Variants in RNLS observed in about 807,000 individuals in gnomAD.
The protein encoded by RNLS is renalase, FAD dependent amine oxidase, also known as renalase.
RNLS carries 39 observed loss-of-function variants against 39.8 expected under a neutral mutation model. The observed-to-expected ratio is 0.98, with a 90% CI of 0.76 to 1.28. The LOEUF (loss-of-function observed/expected upper bound fraction) is 1.28, where lower values mean the gene tolerates loss of function less well. RNLS is among the 50% of genes most tolerant of loss of function. The pLI, the probability that RNLS is intolerant of heterozygous loss-of-function variation, is 0.00. For synonymous variants in RNLS, 147 were observed against 150.7 expected, an observed-to-expected ratio of 0.98 and a Z score of 0.18; for missense variants, 410 against 413.3, an observed-to-expected ratio of 0.99 and a Z score of 0.07.
intron 4 of RNLS, among the ~76,000 whole-genome samples, chr10:88,463,837 G>A (rs149018924): frequency 3.3e-5 from 5 of 152,030 alleles, no homozygotes; most frequent in Non-Finnish European, 7.4e-5. Flanking sequence ...CTCTGTGTGT[G>A]TGTGTGTCTG....
the RNLS span, among the ~76,000 whole-genome samples, chr10:88,210,777 C>T: frequency 3.9e-5 from 6 of 152,174 alleles, no homozygotes; most frequent in East Asian, 3.9e-4. Context: ...CATTGTTCTG[C>T]GTCCTAAATC....
At chr10:88,394,089 C>A (rs532522698) in intron 4 of RNLS, among the ~76,000 whole-genome samples, 10 of 152,238 alleles carry the variant, frequency 6.6e-5, no homozygotes, top group Admixed American at 1.3e-4. Context: ...CATAAAAACC[C>A]TAGAAGAAAA....
chr10:88,485,132 T>C lies in RNLS; in HGVS notation c.526+87771A>G, dbSNP rs12252620. Among the ~76,000 whole-genome samples the C allele has an allele frequency of 6.2e-3, 949 of 151,974 alleles. 9 individuals are homozygous for C. Among genetic ancestry groups the C allele is most frequent in the African/African-American group, 0.02 (849 of 41,520 alleles). ...ATTGAAAAGCTGATTCTAAAACACATAGGGATAGAAAAGAACCTAGAATTG... is the reference window on the plus strand; with the variant it reads ...ATTGAAAAGCTGATTCTAAAACACACAGGGATAGAAAAGAACCTAGAATTG... On this transcript the variant is annotated intron_variant, in intron 4 of 6. Transcript: ENST00000331772.
intron 4 of RNLS, among the ~76,000 whole-genome samples, chr10:88,558,365 T>C (rs1182085373): frequency 3.3e-5 from 5 of 152,142 alleles, no homozygotes. Context: ...AGGGTAAAAA[T>C]TATAATTTAG....
At chr10:88,262,990 A>T in the RNLS span, among the ~76,000 whole-genome samples, 2 of 152,112 alleles carry the variant, frequency 1.3e-5, no homozygotes, top group African/African-American at 4.8e-5. Context: ...TTCAGAGACA[A>T]ACTATTTCCT....
chr10:88,524,940 A>G, intron 4 of RNLS, among the ~76,000 whole-genome samples: 1 of 130,236 alleles, frequency 7.7e-6, no homozygotes, highest in African/African-American at 3.0e-5. Flanking sequence ...CCATATATAT[A>G]TATATATGGC....
chr10:88,384,605 T>C (rs527907341), intron 4 of RNLS, among the ~76,000 whole-genome samples: 3 of 152,340 alleles, frequency 2.0e-5, no homozygotes, highest in African/African-American at 7.2e-5. Flanking sequence ...ATTTCAATAT[T>C]AGATTAATTA....
chr10:88,405,102 C>T (rs569267237), intron 4 of RNLS, among the ~76,000 whole-genome samples: 58 of 152,056 alleles, frequency 3.8e-4, no homozygotes, highest in African/African-American at 1.3e-3. Flanking sequence ...AGCACAGGGC[C>T]GAATACTGCC....
intron 5 of RNLS, among the ~76,000 whole-genome samples, chr10:88,323,072 A>G (rs1846304493): frequency 6.6e-6 from 1 of 152,200 alleles, no homozygotes; most frequent in African/African-American, 2.4e-5. Context: ...AATGCATTTA[A>G]CTAATAAGGT....
chr10:88,575,056 G>A (rs1044735480), intron 3 of RNLS, among the ~76,000 whole-genome samples: 1 of 148,370 alleles, frequency 6.7e-6, no homozygotes, highest in Non-Finnish European at 1.5e-5. Flanking sequence ...CACAGTCCTA[G>A]AAAATTCTTC....
chr10:88,325,784 T>A (rs880793), intron 5 of RNLS, among the ~76,000 whole-genome samples: 3 of 152,128 alleles, frequency 2.0e-5, no homozygotes, highest in Non-Finnish European at 2.9e-5. Context: ...AAATCTCATC[T>A]TGAATTGTAA....
the RNLS span, among the ~76,000 whole-genome samples, chr10:88,228,579 A>G: frequency 6.6e-6 from 1 of 152,176 alleles, no homozygotes; most frequent in South Asian, 2.1e-4. Context: ...CAACTTCCAT[A>G]AGGAAGTGCC....
intron 4 of RNLS, among the ~76,000 whole-genome samples, chr10:88,512,781 G>C (rs939461548): frequency 6.6e-6 from 1 of 152,100 alleles, no homozygotes; most frequent in Non-Finnish European, 1.5e-5. Flanking sequence ...TGTGCCTTTT[G>C]CTTAGGCTGA....
At chr10:88,519,429 T>C (rs1029274421) in intron 4 of RNLS, among the ~76,000 whole-genome samples, 2 of 151,428 alleles carry the variant, frequency 1.3e-5, no homozygotes, top group African/African-American at 4.8e-5. Context: ...ATTTATATAA[T>C]TTCTAAAACA....
At chr10:88,469,591 ACTT>A (rs553243290) in intron 4 of RNLS, among the ~76,000 whole-genome samples, 18 of 152,200 alleles carry the variant, frequency 1.2e-4, no homozygotes, top group Admixed American at 2.0e-4. Context: ...TTATTGCAGG[ACTT>A]CTTTGATATA....
At chr10:88,203,083 C>T in the RNLS span, among the ~76,000 whole-genome samples, 1 of 151,388 alleles carries the variant, frequency 6.6e-6, no homozygotes. Context: ...GGAAAAGCAC[C>T]TTAACTTTCA....
the RNLS span, among the ~76,000 whole-genome samples, chr10:88,188,865 T>C: frequency 6.6e-6 from 1 of 152,208 alleles, no homozygotes; most frequent in Non-Finnish European, 1.5e-5. Context: ...TTTGAGTCTC[T>C]TCTTAATTGC....
At chr10:88,362,512 C>G in intron 5 of RNLS, 40 bp downstream of exon 5, 1 of 1,561,600 alleles carries the variant, frequency 6.4e-7, no homozygotes, top group Non-Finnish European at 8.8e-7. Flanking sequence ...CTACACCCAC[C>G]ATTGTTGCTG....
chr10:88,511,073 A>AT lies in RNLS; in HGVS notation c.526+61829dup, dbSNP rs374284550. 5.5e-3 allele frequency among the ~76,000 whole-genome samples: 834 copies of AT among 151,552 alleles called. 7 individuals carry two copies. The highest frequency in any genetic ancestry group is 0.019 in the African/African-American group (797 of 41,398). ...GTTTTGAATTGAAACAATGGGAGACATAAGAATATGGATTAAGACGAGGGA... is the reference window on the plus strand; with the variant it reads ...GTTTTGAATTGAAACAATGGGAGACATTAAGAATATGGATTAAGACGAGGGA... On this transcript the variant is annotated intron_variant, in intron 4 of 6. Coordinates refer to ENST00000331772, the MANE Select transcript of RNLS (RefSeq NM_001031709.3).
Sources: gnomAD v4.1 joint callset for allele counts (sites outside exome capture counted in the v4.1 genomes callset) on GRCh38, gnomAD v4.1.1 for gene constraint, MANE v1.5 for transcripts, NCBI Gene and HGNC (gene_info 2026-07-23, HGNC 2026-07-21) for gene names.